PDE4D: variants seen among roughly 807,000 people sequenced by gnomAD.
PDE4D encodes the protein 3',5'-cyclic-AMP phosphodiesterase 4D.
A neutral mutation model predicts 87.4 loss-of-function variants in PDE4D; 24 were observed. The observed-to-expected ratio is 0.27, with a 90% CI of 0.20 to 0.39. The LOEUF is 0.39. Among genes scored for constraint, PDE4D ranks in the 10% least tolerant of loss-of-function variants. The pLI, the probability that PDE4D is intolerant of heterozygous loss-of-function variation, is 1.00. For synonymous variants in PDE4D, 384 were observed against 383.2 expected, an observed-to-expected ratio of 1.00 and a Z score of -0.02; for missense variants, 714 against 1,041.0, an observed-to-expected ratio of 0.69 and a Z score of 4.32.
At chr5:59,854,484 C>G (rs1429687862) in intron 1 of PDE4D, among the ~76,000 whole-genome samples, 1 of 151,912 alleles carries the variant, frequency 6.6e-6, no homozygotes, top group Non-Finnish European at 1.5e-5. Flanking sequence ...TATATGTACT[C>G]AAATATGTCA....
At chr5:59,925,946 T>C (rs563781760) in intron 3 of PDE4D, among the ~76,000 whole-genome samples, 9 of 152,264 alleles carry the variant, frequency 5.9e-5, no homozygotes, top group East Asian at 3.9e-4. Context: ...ACTTTCAGCA[T>C]TGGACACATC....
intron 1 of PDE4D, among the ~76,000 whole-genome samples, chr5:59,302,694 C>T (rs1770507680): frequency 6.6e-6 from 1 of 152,180 alleles, no homozygotes. Flanking sequence ...CAGGTCACTG[C>T]AAATGCTGTT....
chr5:59,443,662 C>T (rs1797960583), intron 1 of PDE4D, among the ~76,000 whole-genome samples: 1 of 152,130 alleles, frequency 6.6e-6, no homozygotes, highest in Non-Finnish European at 1.5e-5. Context: ...TTAATCCCCA[C>T]AAGAACAGAT....
intron 5 of PDE4D, among the ~76,000 whole-genome samples, chr5:59,050,519 G>T (rs1355178184): frequency 5.3e-5 from 8 of 152,118 alleles, no homozygotes; most frequent in Admixed American, 3.3e-4. Flanking sequence ...GTTATATTTG[G>T]CTTATCCAGT....
intron 6 of PDE4D, among the ~76,000 whole-genome samples, chr5:59,031,523 T>C (rs796502094): frequency 2.0e-5 from 3 of 146,974 alleles, no homozygotes; most frequent in East Asian, 2.0e-4. Context: ...CTGGCTAACA[T>C]AGTAAAACCC....
At chr5:59,136,558 A>G (rs1325884816) in intron 5 of PDE4D, among the ~76,000 whole-genome samples, 2 of 152,224 alleles carry the variant, frequency 1.3e-5, no homozygotes, top group Non-Finnish European at 2.9e-5. Flanking sequence ...AAGAATGATC[A>G]TTATCTCTAG....
chr5:59,794,969 C>T (rs550194569), intron 1 of PDE4D, among the ~76,000 whole-genome samples: 3 of 152,278 alleles, frequency 2.0e-5, no homozygotes, highest in Admixed American at 6.5e-5. Flanking sequence ...CTTTGCCTAT[C>T]CCAGTACTCA....
At chr5:59,313,421 C>T (rs1377971386) in intron 1 of PDE4D, among the ~76,000 whole-genome samples, 1 of 152,130 alleles carries the variant, frequency 6.6e-6, no homozygotes, top group Non-Finnish European at 1.5e-5. Context: ...TACCCAACAT[C>T]TGGACTGATA....
At chr5:59,560,506 C>T (rs17798241) in intron 1 of PDE4D, among the ~76,000 whole-genome samples, 4,555 of 152,230 alleles carry the variant, frequency 0.03, 100 homozygotes, top group Non-Finnish European at 0.045. Flanking sequence ...TCTTGTTCTC[C>T]GCTATCTCTG....
intron 1 of PDE4D, among the ~76,000 whole-genome samples, chr5:59,553,932 G>T (rs1355710789): frequency 6.6e-6 from 1 of 152,076 alleles, no homozygotes; most frequent in Non-Finnish European, 1.5e-5. Context: ...ATAGAGCAAA[G>T]TATATAATAC....
At chr5:59,945,153 T>G (rs1018985776) in intron 3 of PDE4D, among the ~76,000 whole-genome samples, 1 of 152,226 alleles carries the variant, frequency 6.6e-6, no homozygotes, top group African/African-American at 2.4e-5. Context: ...AAAAGTAGTT[T>G]AGTTAATTTT....
intron 1 of PDE4D, among the ~76,000 whole-genome samples, chr5:59,389,782 T>TA (rs1434281804): frequency 6.6e-6 from 1 of 152,006 alleles, no homozygotes; most frequent in African/African-American, 2.4e-5. Context: ...TTGTCACTCA[T>TA]ATGTGGGAGC....
intron 5 of PDE4D, among the ~76,000 whole-genome samples, chr5:59,067,613 T>G: frequency 6.6e-6 from 1 of 152,132 alleles, no homozygotes; most frequent in Non-Finnish European, 1.5e-5. Context: ...TCATATGGGT[T>G]TGCCAAATGA....
chr5:59,847,789 T>C (rs1744080482), intron 1 of PDE4D, among the ~76,000 whole-genome samples: 1 of 152,234 alleles, frequency 6.6e-6, no homozygotes, highest in South Asian at 2.1e-4. Flanking sequence ...CCTGAAACCA[T>C]TGGCCTGCGC....
At chr5:60,441,365 T>C (rs2150133551) in intron 1 of PDE4D, among the ~76,000 whole-genome samples, 1 of 152,242 alleles carries the variant, frequency 6.6e-6, no homozygotes, top group South Asian at 2.1e-4. Context: ...TAAATGGTGT[T>C]GGGAAAACTG....
chr5:60,475,506 T>G (rs1165734454), intron 1 of PDE4D, among the ~76,000 whole-genome samples: 1 of 152,040 alleles, frequency 6.6e-6, no homozygotes, highest in East Asian at 1.9e-4. Context: ...ATGACGAAAA[T>G]GGCTTTCCAT....
intron 1 of PDE4D, chr5:59,276,122 G>GAAAAAAAAAAAA (rs56153175): frequency 2.5e-6 from 2 of 787,086 alleles, no homozygotes; most frequent in Non-Finnish European, 3.0e-6. Flanking sequence ...AGTGAGAAAG[G>GAAAAAAAAAAAA]AAAAAAAAAA....
chr5:59,345,758 C>A (rs1779516024), intron 1 of PDE4D, among the ~76,000 whole-genome samples: 1 of 152,176 alleles, frequency 6.6e-6, no homozygotes, highest in Admixed American at 6.5e-5. Context: ...TTGGGGGCGA[C>A]ATAAATGTGG....
At position 60,251,862 on chromosome 5, in the gene PDE4D, A is replaced by C. The variant is rs138051576; in HGVS notation, c.-89-66175T>G. ...TTCTGGGCCTTTATATTCATTCACCACTCACTCACTCAGAGCAGCTTCTAC... is the reference window on the plus strand; with the variant it reads ...TTCTGGGCCTTTATATTCATTCACCCCTCACTCACTCAGAGCAGCTTCTAC... On this transcript the variant is annotated intron_variant, in intron 1 of 16. Coordinates refer to the PDE4D transcript ENST00000502484. Among the ~76,000 whole-genome samples the C allele has an allele frequency of 6.1e-3, 934 of 151,914 alleles. 5 individuals are homozygous for C. Among genetic ancestry groups the C allele is most frequent in the African/African-American group, 0.021 (871 of 41,458 alleles).
Sources: gnomAD v4.1 joint callset for allele counts (sites outside exome capture counted in the v4.1 genomes callset) on GRCh38, gnomAD v4.1.1 for gene constraint, MANE v1.5 for transcripts, NCBI Gene and HGNC (gene_info 2026-07-23, HGNC 2026-07-21) for gene names.